OPCML: variants seen among roughly 807,000 people sequenced by gnomAD.
OPCML encodes opioid-binding protein/cell adhesion molecule.
OPCML carries 13 observed loss-of-function variants against 37.8 expected under a neutral mutation model. The observed-to-expected ratio is 0.34, with a 90% CI of 0.22 to 0.55. The LOEUF (loss-of-function observed/expected upper bound fraction) is 0.55. Among genes scored for constraint, OPCML ranks in the 20% least tolerant of loss-of-function variants. OPCML has a pLI of 0.91. For missense variants in OPCML, 341 were observed against 435.6 expected, an observed-to-expected ratio of 0.78 and a Z score of 1.93; for synonymous variants, 176 against 168.8, an observed-to-expected ratio of 1.04 and a Z score of -0.33.
chr11:132,992,360 G>T (rs959299500), intron 1 of OPCML, among the ~76,000 whole-genome samples: 14 of 151,884 alleles, frequency 9.2e-5, no homozygotes, highest in Non-Finnish European at 1.3e-4. Context: ...TATACTTATT[G>T]CAGAGAAGAA....
At chr11:132,770,779 C>G (rs1591585885) in intron 2 of OPCML, among the ~76,000 whole-genome samples, 1 of 152,088 alleles carries the variant, frequency 6.6e-6, no homozygotes, top group Non-Finnish European at 1.5e-5. Context: ...CAGAAAGAAG[C>G]CTGTGGCAAA....
chr11:133,251,431 G>T (rs981438725), intron 1 of OPCML, among the ~76,000 whole-genome samples: 1 of 151,842 alleles, frequency 6.6e-6, no homozygotes, highest in South Asian at 2.1e-4. Context: ...AAAAACAATC[G>T]CAGGTTCTCT....
chr11:133,286,217 G>C (rs1042512843), intron 1 of OPCML, among the ~76,000 whole-genome samples: 1 of 152,082 alleles, frequency 6.6e-6, no homozygotes, highest in Non-Finnish European at 1.5e-5. Flanking sequence ...TTGGGAGGCC[G>C]AGGTGGGCGG....
chr11:132,777,937 T>C (rs1565856009), intron 2 of OPCML, among the ~76,000 whole-genome samples: 1 of 152,146 alleles, frequency 6.6e-6, no homozygotes, highest in Non-Finnish European at 1.5e-5. Context: ...AAGCTCTCAT[T>C]TTTCCATCTG....
chr11:132,433,933 A>G (rs941441072), intron 7 of OPCML, among the ~76,000 whole-genome samples: 1 of 152,186 alleles, frequency 6.6e-6, no homozygotes, highest in African/African-American at 2.4e-5. Flanking sequence ...CATCGGTAGT[A>G]TTTTGTTACA....
chr11:133,254,294 T>C (rs1006826895), intron 1 of OPCML, among the ~76,000 whole-genome samples: 3 of 152,108 alleles, frequency 2.0e-5, no homozygotes, highest in Admixed American at 2.0e-4. Flanking sequence ...AACTATGTGA[T>C]GAGAGAGAGC....
At chr11:132,835,024 A>C (rs926255315) in intron 2 of OPCML, among the ~76,000 whole-genome samples, 2 of 149,782 alleles carry the variant, frequency 1.3e-5, no homozygotes, top group Non-Finnish European at 3.0e-5. Flanking sequence ...GAGGGGGACC[A>C]CCAGCTTGCC....
At chr11:133,047,883 A>G (rs1948051388) in intron 1 of OPCML, among the ~76,000 whole-genome samples, 1 of 152,230 alleles carries the variant, frequency 6.6e-6, no homozygotes, top group Non-Finnish European at 1.5e-5. Flanking sequence ...GGGAGATGTT[A>G]GCCAGGCTTC....
chr11:132,490,476 C>T (rs933213574), intron 4 of OPCML, among the ~76,000 whole-genome samples: 1 of 152,004 alleles, frequency 6.6e-6, no homozygotes, highest in Non-Finnish European at 1.5e-5. Flanking sequence ...GCTGGTATTA[C>T]TGGGTGTCAG....
intron 1 of OPCML, among the ~76,000 whole-genome samples, chr11:133,236,793 T>C (rs565526221): frequency 3.3e-5 from 5 of 152,362 alleles, no homozygotes; most frequent in Admixed American, 6.5e-5. Context: ...TGTTCTCCTC[T>C]ACTTTTGCCT....
intron 1 of OPCML, among the ~76,000 whole-genome samples, chr11:133,228,769 C>T (rs775706376): frequency 6.6e-6 from 1 of 152,264 alleles, no homozygotes. Context: ...AATGATTGCA[C>T]CGCACACGCG....
At chr11:133,232,977 T>A (rs1434979965) in intron 1 of OPCML, among the ~76,000 whole-genome samples, 1 of 152,186 alleles carries the variant, frequency 6.6e-6, no homozygotes, top group Non-Finnish European at 1.5e-5. Flanking sequence ...TCCAGCTAAA[T>A]AACACCTGCT....
chr11:133,469,517 T>A (rs910028207), intron 1 of OPCML, among the ~76,000 whole-genome samples: 2 of 152,210 alleles, frequency 1.3e-5, no homozygotes, highest in African/African-American at 4.8e-5. Flanking sequence ...TGCTCCAGTT[T>A]CACCCTACTC....
intron 1 of OPCML, among the ~76,000 whole-genome samples, chr11:133,169,210 A>G (rs766302658): frequency 3.3e-5 from 5 of 152,220 alleles, no homozygotes; most frequent in Admixed American, 1.3e-4. Flanking sequence ...GGGCACAGAG[A>G]GATCAAGCAA....
intron 4 of OPCML, among the ~76,000 whole-genome samples, chr11:132,457,627 A>G (rs1461126603): frequency 6.6e-6 from 1 of 152,140 alleles, no homozygotes; most frequent in African/African-American, 2.4e-5. Flanking sequence ...ACCTCCATCC[A>G]CTAAAAAGTG....
At chr11:132,555,242 A>G (rs763852945) in intron 3 of OPCML, among the ~76,000 whole-genome samples, 2 of 152,136 alleles carry the variant, frequency 1.3e-5, no homozygotes, top group Admixed American at 6.5e-5. Flanking sequence ...GTGATTTATA[A>G]AGAAAAAGAG....
intron 1 of OPCML, among the ~76,000 whole-genome samples, chr11:132,978,614 A>G (rs951451584): frequency 2.6e-5 from 4 of 152,178 alleles, no homozygotes; most frequent in Non-Finnish European, 5.9e-5. Context: ...TAGGATTCAG[A>G]TGGCAAGGCT....
chr11:132,863,572 C>G (rs1203395066), intron 2 of OPCML, among the ~76,000 whole-genome samples: 1 of 152,202 alleles, frequency 6.6e-6, no homozygotes, highest in Non-Finnish European at 1.5e-5. Context: ...AATCCCTCTT[C>G]CTCAAGGCAG....
At chr11:133,016,063 G>GA (rs1264386911) in intron 1 of OPCML, among the ~76,000 whole-genome samples, 1 of 152,134 alleles carries the variant, frequency 6.6e-6, no homozygotes, top group Non-Finnish European at 1.5e-5. Flanking sequence ...TGTGAGATCC[G>GA]AAAGGACAGG....
Sources: allele counts gnomAD v4.1 joint callset (sites outside exome capture counted in the v4.1 genomes callset), GRCh38; gene constraint gnomAD v4.1.1; transcripts MANE v1.5; gene names NCBI Gene and HGNC (gene_info 2026-07-23, HGNC 2026-07-21).